The following PKHD1L1 variants were observed in gnomAD, a reference collection of about 807,000 sequenced individuals.
PKHD1L1 encodes fibrocystin-L.
PKHD1L1 carries 434 observed loss-of-function variants against 462.9 expected under a neutral mutation model. That is an observed-to-expected ratio of 0.94 (90% CI 0.87 to 1.02). The LOEUF (loss-of-function observed/expected upper bound fraction) is 1.02. Ranked by LOEUF, PKHD1L1 falls within the 50% of genes least tolerant of loss-of-function variation. The probability of loss-of-function intolerance (pLI) is 0.00; values close to 1 mark genes in which losing one functional copy is unlikely to be tolerated. For synonymous variants in PKHD1L1, 1,781 were observed against 1,750.0 expected (o/e 1.02, Z -0.44); for missense variants, 5,202 against 5,096.1 (o/e 1.02, Z -0.63).
At chr8:109,490,737 A>T (rs931200890) in intron 60 of PKHD1L1, among the ~76,000 whole-genome samples, 1 of 151,762 alleles carries the variant, frequency 6.6e-6, no homozygotes, top group Non-Finnish European at 1.5e-5. Flanking sequence ...TGAAATCTGC[A>T]TTTAAAGTAA....
chr8:109,458,322 C>A (rs1166534944), intron 46 of PKHD1L1, among the ~76,000 whole-genome samples: 2 of 152,136 alleles, frequency 1.3e-5, no homozygotes, highest in Admixed American at 1.3e-4. Flanking sequence ...CTCAGCCTCT[C>A]ACACCTGGAA....
rs373637495 is a variant in PKHD1L1 at position 109,491,000 on chromosome 8, G to C, written c.10013G>C (p.Arg3338Pro). 13 of 1,607,956 alleles carry C rather than the reference G, an allele frequency of 8.1e-6. No homozygotes were observed. The highest frequency in any genetic ancestry group is 1.1e-5 in the Non-Finnish European group (13 of 1,175,768). The change falls in exon 61 of 78, where the codon CGA becomes CCA. Residue 3338 changes from arginine (R) to proline (P), a missense_variant. By Grantham distance (103) the Arg-to-Pro change is moderately radical. Transcript: ENST00000378402. ...QIQEHGSSYI[R>P]GCAFHHGFSP... Reference sequence around the variant, plus strand: ...CAAGAACATGGCTCATCTTATATTCGAGGCTGTGCTTTTCACCATGGCTTC... The same window carrying C: ...CAAGAACATGGCTCATCTTATATTCCAGGCTGTGCTTTTCACCATGGCTTC...
Position 109,479,982 on chromosome 8 carries a change from G to T in PKHD1L1, c.9179-9G>T. 6.4e-7 allele frequency: 1 copy of T among 1,555,050 alleles called. No homozygotes were observed. The highest frequency in any genetic ancestry group is 2.2e-5 in the Admixed American group (1 of 44,654). On this transcript the variant is annotated splice_polypyrimidine_tract_variant and intron_variant, in intron 54 of 77. Transcript: ENST00000378402. ...ATTATGTTATATTTCTTAAAGTATTGTTTTATAGGAACATGGATTGTAGCT... is the reference window on the plus strand; with the variant it reads ...ATTATGTTATATTTCTTAAAGTATTTTTTTATAGGAACATGGATTGTAGCT...
rs756332399 is a variant in PKHD1L1, at chr8:109,394,464, G to A, written c.790G>A (p.Ala264Thr). The A allele has an allele frequency of 6.5e-7, 1 of 1,527,758 alleles. No individual in the cohort carries two copies. The highest frequency in any genetic ancestry group is 2.4e-5 in the East Asian group (1 of 41,686). 94.6% of individuals were successfully genotyped at this position (1,527,758 alleles called of 1,614,324 possible). The change falls in exon 10 of 78, where the codon GCA becomes ACA. Residue 264 changes from alanine to threonine, a missense_variant. Coordinates refer to ENST00000378402, the MANE Select transcript of PKHD1L1 (RefSeq NM_177531.6). Reference sequence around the variant, plus strand: ...TTTTGTTTCTTCTCTCAATAAAATTGCAATGTTTCAAACATATGCAGGTAT... The same window carrying A: ...TTTTGTTTCTTCTCTCAATAAAATTACAATGTTTCAAACATATGCAGGTAT... Reference protein sequence around the residue: ...AYFVSSLNKIAMFQTYAEVTM... With the variant: ...AYFVSSLNKITMFQTYAEVTM...
Position 109,452,818 on chromosome 8 carries a change from G to T in PKHD1L1, c.6608G>T (p.Gly2203Val). ...GGATCTCTTGTTGTTATTACAAAAG[G>T]ACAGACCATTCTGCTGGATCAAAGC... ...EEGSLVVITK[G>V]QTILLDQSTP... is the part of the protein sequence containing the mutation. Residue 2203 changes from glycine to valine, a missense_variant, in exon 43 of 78, where the codon GGA (glycine) becomes GTA (valine). This residue lies in a region of PKHD1L1 where 4,497 missense variants were observed against 4,336.8 expected (regional missense o/e 1.04). Transcript: ENST00000378402. 1 of 1,534,674 alleles carries T rather than the reference G, an allele frequency of 6.5e-7. No homozygotes were observed. Among genetic ancestry groups the T allele is most frequent in the Non-Finnish European group, 8.7e-7 (1 of 1,143,638 alleles).
intron 59 of PKHD1L1, 35 bp downstream of exon 59, chr8:109,486,856 C>A: frequency 6.4e-7 from 1 of 1,567,202 alleles, no homozygotes; most frequent in Non-Finnish European, 8.7e-7. Context: ...TCTAAATGAG[C>A]TATAACATTA....
At chr8:109,437,008 C>T (rs201993348) in intron 30 of PKHD1L1, among the ~76,000 whole-genome samples, 43 of 152,278 alleles carry the variant, frequency 2.8e-4, no homozygotes, top group Middle Eastern at 6.8e-3. Context: ...CTCTGCCTCC[C>T]GGGTTCAAGC....
At position 109,532,215 on chromosome 8, in the gene PKHD1L1, A is replaced by C. The variant is rs922278869; in HGVS notation, c.*2125A>C. 7.6e-6 allele frequency among the ~76,000 whole-genome samples: 1 copy of C among 132,404 alleles called. No individual in the cohort carries two copies. The highest frequency in any genetic ancestry group is 1.7e-5 in the Non-Finnish European group (1 of 60,592). 86.9% of individuals were successfully genotyped at this position (132,404 alleles called of 152,430 possible). A position where few individuals can be genotyped will look rare whatever the true frequency, so the allele number is the denominator to read the frequency against. On this transcript the variant is annotated 3_prime_UTR_variant, in exon 78 of 78. Coordinates refer to ENST00000378402, the MANE Select transcript of PKHD1L1 (RefSeq NM_177531.6). ...ATACAAGTTATATGGCAGTAAAAGG[A>C]ATTTCTAAAAATTGCTTCTTAGCCA...
chr8:109,506,393 T>C (rs1003545373), intron 68 of PKHD1L1, among the ~76,000 whole-genome samples: 2 of 152,186 alleles, frequency 1.3e-5, no homozygotes, highest in South Asian at 4.1e-4. Context: ...CTGCTTTGTC[T>C]TAAGGTGGCA....
At chr8:109,420,236 C>T (rs1814393899) in intron 22 of PKHD1L1, among the ~76,000 whole-genome samples, 1 of 152,022 alleles carries the variant, frequency 6.6e-6, no homozygotes, top group Non-Finnish European at 1.5e-5. Flanking sequence ...GATTGGTGGC[C>T]TTTAAATATT....
intron 62 of PKHD1L1, 23 bp from the exon 63 acceptor site, chr8:109,493,637 AT>A (rs199590450): frequency 1.5e-3 from 2,040 of 1,378,872 alleles, no homozygotes; most frequent in South Asian, 2.7e-3. Context: ...GATGCACAGT[AT>A]TTTTTTTTAA....
intron 18 of PKHD1L1, 63 bp from the exon 19 acceptor site, chr8:109,409,802 A>T: frequency 1.2e-6 from 1 of 803,498 alleles, no homozygotes; most frequent in Non-Finnish European, 1.9e-6. Flanking sequence ...AATCAGTAGT[A>T]GGATTACGAG....
intron 9 of PKHD1L1, among the ~76,000 whole-genome samples, chr8:109,394,046 C>G (rs1031438306): frequency 6.6e-6 from 1 of 151,598 alleles, no homozygotes; most frequent in Non-Finnish European, 1.5e-5. Flanking sequence ...TGGTGGCATG[C>G]GCCTGTAGTC....
intron 10 of PKHD1L1, among the ~76,000 whole-genome samples, chr8:109,394,931 G>A (rs1054840416): frequency 2.0e-5 from 3 of 152,124 alleles, no homozygotes; most frequent in Non-Finnish European, 4.4e-5. Context: ...TTCCTTAAAC[G>A]TGCTGAGAAC....
At chr8:109,438,265 C>G in intron 30 of PKHD1L1, 59 bp from the exon 31 acceptor site, 1 of 1,197,496 alleles carries the variant, frequency 8.4e-7, no homozygotes, top group Non-Finnish European at 1.1e-6. Flanking sequence ...TTCTTTTCAT[C>G]CCTTGCATTT....
At chr8:109,515,048 CA>C in intron 71 of PKHD1L1, 121 bp from the exon 72 acceptor site, 1 of 773,376 alleles carries the variant, frequency 1.3e-6, no homozygotes. Context: ...TCCCTTATCC[CA>C]AATCCATAAA....
intron 2 of PKHD1L1, among the ~76,000 whole-genome samples, chr8:109,370,581 A>G (rs1230002783): frequency 2.0e-5 from 3 of 151,988 alleles, no homozygotes; most frequent in Non-Finnish European, 4.4e-5. Context: ...ATATGTATAC[A>G]TGTGCCATGT....
chr8:109,438,813 T>A (rs1815595220), intron 31 of PKHD1L1, 84 bp from the exon 32 acceptor site: 1 of 1,047,346 alleles, frequency 9.5e-7, no homozygotes. Flanking sequence ...AGATGAGAGA[T>A]GAATTGATTT....
At position 109,388,419 on chromosome 8, in the gene PKHD1L1, G is replaced by C. The variant is rs1489328283; in HGVS notation, c.570-78G>C. 5 of 994,742 alleles carry C rather than the reference G, an allele frequency of 5.0e-6. No individual in the cohort carries two copies. In the African/African-American group the frequency reaches 8.2e-5, roughly 16 times the overall value. 61.6% of individuals were successfully genotyped at this position (994,742 alleles called of 1,614,324 possible). The stretch of plus-strand genomic sequence containing the variant: ...AGAAAAAAAATTTAAGGGAACCAGT[G>C]AGTTGATGGGAGGAGTGCATTTTTG... On this transcript the variant is annotated intron_variant, in intron 6 of 77. Coordinates refer to ENST00000378402, the MANE Select transcript of PKHD1L1 (RefSeq NM_177531.6).
Sources: allele counts gnomAD v4.1 joint callset (sites outside exome capture counted in the v4.1 genomes callset), GRCh38; gene constraint gnomAD v4.1.1; regional missense constraint gnomAD v4.1.1; transcripts MANE v1.5; gene names NCBI Gene and HGNC (gene_info 2026-07-23, HGNC 2026-07-21).